Variants in AGTPBP1 observed in about 807,000 individuals in gnomAD.
The protein encoded by AGTPBP1 is ATP/GTP binding carboxypeptidase 1, also known as cytosolic carboxypeptidase 1.
AGTPBP1 carries 70 observed loss-of-function variants against 143.9 expected under a neutral mutation model. The ratio of observed to expected loss-of-function variants is 0.49; its 90% confidence interval spans 0.40 to 0.59. The LOEUF is 0.59. Among genes scored for constraint, AGTPBP1 ranks in the 20% least tolerant of loss-of-function variants. AGTPBP1 has a pLI of 0.00. For missense variants in AGTPBP1, 1,229 were observed against 1,464.5 expected, an observed-to-expected ratio of 0.84 and a Z score of 2.62; for synonymous variants, 463 against 500.2, an observed-to-expected ratio of 0.93 and a Z score of 0.99.
At chr9:85,720,146 C>A (rs1335030194) in intron 1 of AGTPBP1, among the ~76,000 whole-genome samples, 1 of 152,094 alleles carries the variant, frequency 6.6e-6, no homozygotes, top group Non-Finnish European at 1.5e-5. Context: ...TCTCTGCCAG[C>A]CTTTAGTATC....
the AGTPBP1 span, among the ~76,000 whole-genome samples, chr9:85,780,977 C>T: frequency 2.0e-5 from 3 of 152,020 alleles, no homozygotes; most frequent in Non-Finnish European, 4.4e-5. Flanking sequence ...ATTAGCCGGG[C>T]GTGGTGCTGG....
chr9:85,755,906 T>A, the AGTPBP1 span: 1 of 494,952 alleles, frequency 2.0e-6, no homozygotes, highest in Non-Finnish European at 3.4e-6. Flanking sequence ...ACATCTTGAC[T>A]AGAACCACTG....
intron 25 of AGTPBP1, among the ~76,000 whole-genome samples, chr9:85,553,050 C>T (rs1328658350): frequency 1.3e-5 from 2 of 152,048 alleles, no homozygotes; most frequent in African/African-American, 4.8e-5. Context: ...AATTTTATTC[C>T]TATCTTGTGA....
intron 1 of AGTPBP1, among the ~76,000 whole-genome samples, chr9:85,728,614 A>T (rs1261123149): frequency 6.6e-6 from 1 of 152,242 alleles, no homozygotes; most frequent in South Asian, 2.1e-4. Context: ...CAAATTAAAC[A>T]AAACAAAAAC....
chr9:85,782,259 A>G, the AGTPBP1 span, among the ~76,000 whole-genome samples: 2 of 152,218 alleles, frequency 1.3e-5, no homozygotes, highest in African/African-American at 4.8e-5. Context: ...TCATGCCTGT[A>G]ATCCCAGCAC....
At chr9:85,594,600 T>A (rs1478558701) in intron 18 of AGTPBP1, among the ~76,000 whole-genome samples, 1 of 151,492 alleles carries the variant, frequency 6.6e-6, no homozygotes, top group Non-Finnish European at 1.5e-5. Flanking sequence ...AAAAAAAAAA[T>A]TAAAATTTAA....
At chr9:85,629,851 A>G (rs1831542804) in intron 14 of AGTPBP1, among the ~76,000 whole-genome samples, 1 of 152,208 alleles carries the variant, frequency 6.6e-6, no homozygotes, top group Non-Finnish European at 1.5e-5. Context: ...GAAAGCTTTC[A>G]TAATATAAAG....
At chr9:85,797,661 A>T in the AGTPBP1 span, among the ~76,000 whole-genome samples, 1 of 152,070 alleles carries the variant, frequency 6.6e-6, no homozygotes, top group Non-Finnish European at 1.5e-5. Context: ...CCTGGGCCAC[A>T]CTGGAAGAAG....
chr9:85,662,811 G>T (rs534252548), intron 8 of AGTPBP1, among the ~76,000 whole-genome samples: 1 of 152,196 alleles, frequency 6.6e-6, no homozygotes, highest in African/African-American at 2.4e-5. Context: ...CCTTTGAGAA[G>T]GCTATCTGAA....
At chr9:85,753,245 T>A in the AGTPBP1 span, 4 of 1,588,904 alleles carry the variant, frequency 2.5e-6, no homozygotes, top group African/African-American at 5.4e-5. Context: ...AAAATTGTCA[T>A]CAGTGTACTT....
At chr9:85,790,045 T>G in the AGTPBP1 span, among the ~76,000 whole-genome samples, 1 of 152,226 alleles carries the variant, frequency 6.6e-6, no homozygotes, top group African/African-American at 2.4e-5. Context: ...CTCAACTTCA[T>G]TGGACTTTTT....
At chr9:85,604,663 A>T (rs556132630) in intron 17 of AGTPBP1, among the ~76,000 whole-genome samples, 1 of 152,304 alleles carries the variant, frequency 6.6e-6, no homozygotes, top group South Asian at 2.1e-4. Context: ...CTGGAGAAAC[A>T]GAAATATGTG....
At chr9:85,614,121 C>T (rs1014071720) in intron 17 of AGTPBP1, among the ~76,000 whole-genome samples, 2 of 151,738 alleles carry the variant, frequency 1.3e-5, no homozygotes, top group Non-Finnish European at 2.9e-5. Context: ...TTAATGTAAA[C>T]ACTAGCAACA....
intron 14 of AGTPBP1, among the ~76,000 whole-genome samples, chr9:85,622,260 G>C (rs1830982027): frequency 6.6e-6 from 1 of 152,188 alleles, no homozygotes; most frequent in Non-Finnish European, 1.5e-5. Context: ...GTGAGAAAGT[G>C]TACCAAAATA....
intron 24 of AGTPBP1, 59 bp from the exon 25 acceptor site, chr9:85,575,534 C>A: frequency 2.2e-6 from 3 of 1,383,782 alleles, no homozygotes; most frequent in South Asian, 1.5e-5. Flanking sequence ...CTGGATACAG[C>A]TCAATGAAAT....
chr9:85,795,856 G>GTTTT, the AGTPBP1 span, among the ~76,000 whole-genome samples: 1,392 of 70,646 alleles, frequency 0.02, 124 homozygotes, highest in African/African-American at 0.066. Flanking sequence ...CTTCTTCTTA[G>GTTTT]TTTTTTTTTT....
the AGTPBP1 span, among the ~76,000 whole-genome samples, chr9:85,776,252 A>G: frequency 6.6e-6 from 1 of 152,266 alleles, no homozygotes; most frequent in Admixed American, 6.5e-5. Context: ...AAGTGTATAC[A>G]TGCACAAACA....
At chr9:85,645,269 C>A (rs902994782) in intron 12 of AGTPBP1, among the ~76,000 whole-genome samples, 1 of 152,072 alleles carries the variant, frequency 6.6e-6, no homozygotes, top group Non-Finnish European at 1.5e-5. Context: ...GTAGGGAAAA[C>A]GTGAGCAATC....
the AGTPBP1 span, among the ~76,000 whole-genome samples, chr9:85,765,956 G>T: frequency 6.6e-6 from 1 of 152,110 alleles, no homozygotes; most frequent in South Asian, 2.1e-4. Context: ...AACTTAAGCT[G>T]GGTAGCTGTG....
Sources: allele counts gnomAD v4.1 joint callset (sites outside exome capture counted in the v4.1 genomes callset), GRCh38; gene constraint gnomAD v4.1.1; transcripts MANE v1.5; gene names NCBI Gene and HGNC (gene_info 2026-07-23, HGNC 2026-07-21).